The following MINAR1 variants were observed in gnomAD, a reference collection of about 807,000 sequenced individuals.
MINAR1 encodes major intrinsically disordered Notch2-binding receptor 1.
Under a neutral mutation model 65.1 loss-of-function variants are expected in MINAR1, and 40 were observed. The observed-to-expected ratio is 0.61, with a 90% CI of 0.48 to 0.80. MINAR1 has a LOEUF of 0.80. Among genes scored for constraint, MINAR1 ranks in the 30% least tolerant of loss-of-function variants. The pLI, the probability that MINAR1 is intolerant of heterozygous loss-of-function variation, is 0.00. For missense variants in MINAR1, 1,128 were observed against 1,148.0 expected (o/e 0.98, Z 0.25); for synonymous variants, 482 against 449.1 (o/e 1.07, Z -0.93).
chr15:79,440,290 G>A (rs1361293220), intron 1 of MINAR1, among the ~76,000 whole-genome samples: 1 of 152,190 alleles, frequency 6.6e-6, no homozygotes, highest in Non-Finnish European at 1.5e-5. Flanking sequence ...GAGTTTTTGA[G>A]TCAAGAGACT....
At chr15:79,461,278 C>G (rs985167194) in intron 2 of MINAR1, among the ~76,000 whole-genome samples, 1 of 150,556 alleles carries the variant, frequency 6.6e-6, no homozygotes, top group Non-Finnish European at 1.5e-5. Context: ...TTGGGTCAGT[C>G]TCTTAACCTG....
At position 79,471,503 on chromosome 15, in the gene MINAR1, T is replaced by A. The variant is rs1182309145; in HGVS notation, c.*3119T>A. Reference sequence around the variant, plus strand: ...ACAGTAAACTAAATCATAACTTACATCATCCATTACTAGCTGATCATAAAT... The same window carrying A: ...ACAGTAAACTAAATCATAACTTACAACATCCATTACTAGCTGATCATAAAT... On this transcript the variant is annotated 3_prime_UTR_variant, in exon 4 of 4. Transcript: ENST00000305428. The A allele has an allele frequency of 1.3e-5, 2 of 152,600 alleles. No homozygotes were observed. Among genetic ancestry groups the A allele is most frequent in the East Asian group, 3.8e-4 (2 of 5,204 alleles). The allele number at this position is 152,600 out of a possible 1,614,324, so 9.5% of individuals were successfully genotyped here. A position where few individuals can be genotyped will look rare whatever the true frequency, so the allele number is the denominator to read the frequency against.
chr15:79,471,259 C>T lies in MINAR1; in HGVS notation c.*2875C>T, dbSNP rs534882378. 6.6e-6 allele frequency: 1 copy of T among 152,430 alleles called. No homozygotes were observed. Among genetic ancestry groups the T allele is most frequent in the South Asian group, 2.1e-4 (1 of 4,826 alleles). 9.4% of individuals were successfully genotyped at this position (152,430 alleles called of 1,614,324 possible). On this transcript the variant is annotated 3_prime_UTR_variant, in exon 4 of 4. Transcript: ENST00000305428. ...AAAATTACAACGTTATCAAAATTCA[C>T]TTCGTTTTTCCTGCATTTTAAAAGT...
the MINAR1 span, chr15:79,419,696 T>C: frequency 6.6e-6 from 1 of 152,146 alleles, no homozygotes; most frequent in African/African-American, 2.4e-5. Flanking sequence ...AATAAAATGT[T>C]CAATAAACGA....
chr15:79,456,372 C>T lies in MINAR1; in HGVS notation c.225C>T (p.Asn75=), dbSNP rs1362424075. ...ACAAGATGAAATGCACTGTGAATAA[C>T]CAGCAATCAAAGAAAATCATGGTGG... ...FKDKMKCTVN[N]QQSKKIMVAA... Residue 75 remains asparagine, a synonymous_variant, in exon 2 of 4, where the codon AAC becomes AAT. Coordinates refer to ENST00000305428, the MANE Select transcript of MINAR1 (RefSeq NM_015206.3). The T allele has an allele frequency of 1.2e-6, 2 of 1,614,080 alleles. No individual in the cohort carries two copies. The highest frequency in any genetic ancestry group is 1.7e-6 in the Non-Finnish European group (2 of 1,180,040).
chr15:79,451,553 T>C (rs2141287860), intron 1 of MINAR1, among the ~76,000 whole-genome samples: 1 of 152,188 alleles, frequency 6.6e-6, no homozygotes, highest in East Asian at 1.9e-4. Context: ...GCTTGGGCAG[T>C]CAGTTGGGCC....
Position 79,458,412 on chromosome 15 carries a change from A to C in MINAR1, c.2265A>C (p.Gly755=). The change falls in exon 2 of 4, where the codon GGA becomes GGC. Residue 755 remains glycine, a synonymous_variant. Transcript: ENST00000305428. The part of the protein sequence containing the change: ...NEEEIKDTGP[G]DNKDWHRKSK... ...AGGAGATAAAAGACACAGGCCCAGGAGATAATAAAGACTGGCATCGGAAAT... is the reference window on the plus strand; with the variant it reads ...AGGAGATAAAAGACACAGGCCCAGGCGATAATAAAGACTGGCATCGGAAAT... The C allele has an allele frequency of 6.2e-7, 1 of 1,610,892 alleles. No homozygotes were observed. Among genetic ancestry groups the C allele is most frequent in the Non-Finnish European group, 8.5e-7 (1 of 1,178,726 alleles).
intron 2 of MINAR1, among the ~76,000 whole-genome samples, chr15:79,461,917 A>G (rs1895657489): frequency 6.6e-6 from 1 of 152,232 alleles, no homozygotes; most frequent in South Asian, 2.1e-4. Context: ...ATGCAAGTGT[A>G]TAGGTCACAC....
At position 79,435,270 on chromosome 15, in the gene MINAR1, C is replaced by G. The variant is rs555415970; in HGVS notation, c.-51+2730C>G. On this transcript the variant is annotated intron_variant, in intron 1 of 3. Transcript: ENST00000305428. ...CAGCCTGGGCAACAAGAACAAAAAT[C>G]CGTCTCAAAAAAAAAAAAAAAATAC... 1.9e-3 allele frequency among the ~76,000 whole-genome samples: 270 copies of G among 140,244 alleles called. 3 individuals carry two copies. Among genetic ancestry groups the G allele is most frequent in the African/African-American group, 7.0e-3 (265 of 38,048 alleles). The allele number at this position is 140,244 out of a possible 152,430, so 92.0% of individuals were successfully genotyped here.
chr15:79,466,116 G>A (rs1408927450), intron 3 of MINAR1, among the ~76,000 whole-genome samples: 1 of 152,070 alleles, frequency 6.6e-6, no homozygotes, highest in East Asian at 1.9e-4. Flanking sequence ...TCCCCACATT[G>A]AGAGTGTCTT....
At chr15:79,424,278 A>C in the MINAR1 span, 1 of 152,224 alleles carries the variant, frequency 6.6e-6, no homozygotes, top group Non-Finnish European at 1.5e-5. Context: ...ACAAAATAGC[A>C]CCTGAAGCAC....
chr15:79,447,696 A>C (rs1895063787), intron 1 of MINAR1, among the ~76,000 whole-genome samples: 1 of 152,100 alleles, frequency 6.6e-6, no homozygotes, highest in Non-Finnish European at 1.5e-5. Flanking sequence ...CTGATTTTTT[A>C]CATTAATTTC....
At chr15:79,416,176 A>T in the MINAR1 span, 1 of 152,192 alleles carries the variant, frequency 6.6e-6, no homozygotes, top group Non-Finnish European at 1.5e-5. Context: ...TTTTCTTAAC[A>T]CCGGAAACTT....
intron 1 of MINAR1, among the ~76,000 whole-genome samples, chr15:79,448,748 C>G (rs575147008): frequency 1.3e-5 from 2 of 152,140 alleles, no homozygotes; most frequent in Non-Finnish European, 2.9e-5. Context: ...ATATGTCATT[C>G]ATTTTGGGGC....
intron 1 of MINAR1, among the ~76,000 whole-genome samples, chr15:79,444,371 G>A (rs1315958530): frequency 6.6e-6 from 1 of 151,326 alleles, no homozygotes; most frequent in South Asian, 2.1e-4. Context: ...TTCCAATTTT[G>A]TTATTTCAAA....
chr15:79,463,303 G>C lies in MINAR1; in HGVS notation c.2535G>C (p.Leu845=). 6.2e-7 allele frequency: 1 copy of C among 1,613,200 alleles called. No homozygotes were observed. The highest frequency in any genetic ancestry group is 1.3e-5 in the African/African-American group (1 of 75,010). ...GGAATGCGGGCGACAAGGGCAAGCTGACAGCCCTGGACCTGCAGGTGAGCC... is the reference window on the plus strand; with the variant it reads ...GGAATGCGGGCGACAAGGGCAAGCTCACAGCCCTGGACCTGCAGGTGAGCC... ...YARNAGDKGK[L]TALDLQTQES... is the part of the protein sequence containing the mutation. Residue 845 remains leucine, a synonymous_variant, in exon 3 of 4, where the codon CTG becomes CTC. Transcript: ENST00000305428.
chr15:79,424,109 T>A, the MINAR1 span: 1 of 152,324 alleles, frequency 6.6e-6, no homozygotes, highest in East Asian at 1.9e-4. Flanking sequence ...AAGGAGGTGG[T>A]TATTTCAGTG....
rs929210287 is a variant in MINAR1, at chr15:79,458,007, C to T, written c.1860C>T (p.Ile620=). Residue 620 remains isoleucine (I), a synonymous_variant, in exon 2 of 4, where the codon ATC becomes ATT. Transcript: ENST00000305428. ...LESLSGVRDE[I]SQVLGKLNKL... ...CCCTGTCGGGTGTCCGTGATGAAAT[C>T]TCCCAGGTCTTGGGCAAACTAAATA... 6.2e-7 allele frequency: 1 copy of T among 1,614,206 alleles called. No homozygotes were observed. Among genetic ancestry groups the T allele is most frequent in the Non-Finnish European group, 8.5e-7 (1 of 1,180,048 alleles).
Position 79,471,604 on chromosome 15 carries a change from G to A in MINAR1, c.*3220G>A, listed in dbSNP as rs951523405. The A allele has an allele frequency of 3.9e-4, 59 of 152,368 alleles. No homozygotes were observed. Among genetic ancestry groups the A allele is most frequent in the African/African-American group, 1.4e-3 (57 of 41,340 alleles). 9.4% of individuals were successfully genotyped at this position (152,368 alleles called of 1,614,324 possible). A position where few individuals can be genotyped will look rare whatever the true frequency, so the allele number is the denominator to read the frequency against. On this transcript the variant is annotated 3_prime_UTR_variant, in exon 4 of 4. Coordinates refer to ENST00000305428, the MANE Select transcript of MINAR1 (RefSeq NM_015206.3). Reference sequence around the variant, plus strand: ...TTTAATAGACGTGCTAAATATCACTGTTCTGAATATCTGTGCCATAGTTCT... The same window carrying A: ...TTTAATAGACGTGCTAAATATCACTATTCTGAATATCTGTGCCATAGTTCT...
Sources: allele counts gnomAD v4.1 joint callset (sites outside exome capture counted in the v4.1 genomes callset), GRCh38; gene constraint gnomAD v4.1.1; transcripts MANE v1.5; gene names NCBI Gene and HGNC (gene_info 2026-07-23, HGNC 2026-07-21).